The following PSD3 variants were observed in gnomAD, a reference collection of about 807,000 sequenced individuals.
The protein encoded by PSD3 is PH and SEC7 domain-containing protein 3.
Under a neutral mutation model 105.5 loss-of-function variants are expected in PSD3, and 49 were observed. The observed-to-expected ratio is 0.46, with a 90% confidence interval of 0.37 to 0.59. PSD3 has a LOEUF of 0.59. Among genes scored for constraint, PSD3 ranks in the 20% least tolerant of loss-of-function variants. The pLI is 0.00. For synonymous variants in PSD3, 557 were observed against 457.8 expected, an observed-to-expected ratio of 1.22 and a Z score of -2.77; for missense variants, 1,561 against 1,263.8, an observed-to-expected ratio of 1.24 and a Z score of -3.57.
intron 11 of PSD3, among the ~76,000 whole-genome samples, chr8:18,622,206 T>C (rs1806163730): frequency 6.6e-6 from 1 of 152,222 alleles, no homozygotes; most frequent in African/African-American, 2.4e-5. Flanking sequence ...GTACAATGAC[T>C]AAAGAATCTA....
chr8:18,934,040 A>G (rs11779656), intron 2 of PSD3, among the ~76,000 whole-genome samples: 6,127 of 152,312 alleles, frequency 0.04, 177 homozygotes, highest in South Asian at 0.064. Context: ...AGAGTCCCCA[A>G]CTATTAAGAT....
At chr8:18,671,469 G>C (rs142682480) in intron 9 of PSD3, among the ~76,000 whole-genome samples, 1 of 152,138 alleles carries the variant, frequency 6.6e-6, no homozygotes, top group African/African-American at 2.4e-5. Context: ...CTCTTTCCAA[G>C]AGGTAATGTA....
intron 9 of PSD3, among the ~76,000 whole-genome samples, chr8:18,745,725 C>T (rs184965341): frequency 6.6e-6 from 1 of 152,174 alleles, no homozygotes; most frequent in Non-Finnish European, 1.5e-5. Flanking sequence ...GAAATATATG[C>T]AGGCGTATAT....
At chr8:18,903,337 G>C (rs979480613) in intron 2 of PSD3, among the ~76,000 whole-genome samples, 1 of 152,148 alleles carries the variant, frequency 6.6e-6, no homozygotes, top group East Asian at 1.9e-4. Flanking sequence ...GGTTGGCAGT[G>C]ATCGTCAGCA....
At chr8:18,788,906 C>T (rs1385887914) in intron 8 of PSD3, among the ~76,000 whole-genome samples, 3 of 152,134 alleles carry the variant, frequency 2.0e-5, no homozygotes, top group African/African-American at 7.2e-5. Context: ...GGTGTCCATT[C>T]CTTTTTAAAT....
intron 4 of PSD3, among the ~76,000 whole-genome samples, chr8:18,835,070 G>T (rs895529968): frequency 6.6e-6 from 1 of 152,142 alleles, no homozygotes; most frequent in Non-Finnish European, 1.5e-5. Context: ...TTAGACAAAG[G>T]ACAGTCAAGT....
At chr8:19,032,188 TAA>T (rs1424509090) in intron 1 of PSD3, among the ~76,000 whole-genome samples, 1 of 152,212 alleles carries the variant, frequency 6.6e-6, no homozygotes, top group Non-Finnish European at 1.5e-5. Context: ...TTATTTTATA[TAA>T]AAGACATAAA....
rs903872361 is a variant in PSD3 at position 18,534,005 on chromosome 8, A to C, written c.*1738T>G. ...AGAGAGGGGTAAGCCTTCTCTGGGC[A>C]ATAGTCATGGACATTTACAGAGGGG... is the stretch of plus-strand genomic sequence containing the variant. On this transcript the variant is annotated 3_prime_UTR_variant, in exon 16 of 16. Transcript: ENST00000327040. 6.6e-6 allele frequency: 1 copy of C among 152,192 alleles called. No homozygotes were observed. The highest frequency in any genetic ancestry group is 2.4e-5 in the African/African-American group (1 of 41,436). 9.4% of individuals were successfully genotyped at this position (152,192 alleles called of 1,614,324 possible).
At chr8:19,008,479 T>A (rs1332033742) in intron 1 of PSD3, among the ~76,000 whole-genome samples, 1 of 152,162 alleles carries the variant, frequency 6.6e-6, no homozygotes, top group Non-Finnish European at 1.5e-5. Context: ...GTGCCATCAC[T>A]CTTATACCTA....
At chr8:18,748,446 G>C (rs1805201169) in intron 9 of PSD3, among the ~76,000 whole-genome samples, 1 of 151,904 alleles carries the variant, frequency 6.6e-6, no homozygotes, top group South Asian at 2.1e-4. Flanking sequence ...GGATCACGAG[G>C]CCAGGAGATC....
chr8:18,626,092 C>T (rs1363920617), intron 11 of PSD3, among the ~76,000 whole-genome samples: 1 of 152,020 alleles, frequency 6.6e-6, no homozygotes, highest in Non-Finnish European at 1.5e-5. Context: ...TTTAATAGGT[C>T]TTTGTAAAAA....
At chr8:18,725,019 T>C (rs1252841236) in intron 9 of PSD3, among the ~76,000 whole-genome samples, 1 of 152,218 alleles carries the variant, frequency 6.6e-6, no homozygotes, top group Non-Finnish European at 1.5e-5. Context: ...AATTCTACCA[T>C]GTTGGGAATC....
chr8:18,737,159 T>A (rs1804209840), intron 9 of PSD3, among the ~76,000 whole-genome samples: 1 of 152,224 alleles, frequency 6.6e-6, no homozygotes, highest in South Asian at 2.1e-4. Context: ...GTGCACTATT[T>A]TGCTGGTTTG....
chr8:19,026,937 A>C (rs758012799), intron 1 of PSD3, among the ~76,000 whole-genome samples: 4 of 152,124 alleles, frequency 2.6e-5, no homozygotes, highest in African/African-American at 4.8e-5. Flanking sequence ...TGAATGAGTG[A>C]GTGAAAGAAT....
intron 1 of PSD3, among the ~76,000 whole-genome samples, chr8:19,007,133 A>C (rs781312782): frequency 5.9e-5 from 9 of 152,036 alleles, no homozygotes; most frequent in Non-Finnish European, 1.3e-4. Context: ...GCACACCTGC[A>C]GTCCCAGCTC....
intron 1 of PSD3, among the ~76,000 whole-genome samples, chr8:19,049,194 C>T (rs1038940525): frequency 1.3e-5 from 2 of 152,242 alleles, no homozygotes; most frequent in South Asian, 2.1e-4. Context: ...GAATTTAATA[C>T]GCGAATTTTG....
At chr8:18,643,725 CA>C (rs1774322151) in intron 10 of PSD3, among the ~76,000 whole-genome samples, 2 of 152,230 alleles carry the variant, frequency 1.3e-5, no homozygotes, top group Non-Finnish European at 2.9e-5. Flanking sequence ...GTTGGGCCCC[CA>C]AGGCCTCAGG....
chr8:18,685,390 G>A (rs1167076031), intron 9 of PSD3, among the ~76,000 whole-genome samples: 1 of 151,952 alleles, frequency 6.6e-6, no homozygotes, highest in East Asian at 1.9e-4. Context: ...CCTCATGACA[G>A]GGGCTTTCTT....
At chr8:18,742,770 G>A (rs1300554939) in intron 9 of PSD3, among the ~76,000 whole-genome samples, 11 of 152,176 alleles carry the variant, frequency 7.2e-5, no homozygotes, top group Non-Finnish European at 8.8e-5. Context: ...AAATGCTACA[G>A]TTTAGAAGCC....
Sources: allele counts gnomAD v4.1 joint callset (sites outside exome capture counted in the v4.1 genomes callset), GRCh38; gene constraint gnomAD v4.1.1; transcripts MANE v1.5; gene names NCBI Gene and HGNC (gene_info 2026-07-23, HGNC 2026-07-21).